ANO6: variants seen among roughly 807,000 people sequenced by gnomAD.
ANO6 encodes anoctamin 6, also known as anoctamin-6.
ANO6 carries 106 observed loss-of-function variants against 117.5 expected under a neutral mutation model. The ratio of observed to expected loss-of-function variants is 0.90; its 90% CI spans 0.77 to 1.06. The LOEUF is 1.06. Among genes scored for constraint, ANO6 ranks in the 50% least tolerant of loss-of-function variants. The pLI is 0.00. For synonymous variants in ANO6, 367 were observed against 385.1 expected (o/e 0.95, Z 0.55); for missense variants, 955 against 1,121.1 (o/e 0.85, Z 2.12).
chr12:45,419,152 T>A (rs1049461230), intron 17 of ANO6, among the ~76,000 whole-genome samples: 1 of 152,242 alleles, frequency 6.6e-6, no homozygotes, highest in Non-Finnish European at 1.5e-5. Flanking sequence ...GCATCTGTTA[T>A]TGAAGACCAA....
At chr12:45,234,526 G>C (rs1282059918) in intron 1 of ANO6, among the ~76,000 whole-genome samples, 1 of 152,142 alleles carries the variant, frequency 6.6e-6, no homozygotes, top group Admixed American at 6.5e-5. Context: ...GTTCAGTGTT[G>C]GTGCAGGATA....
Position 45,380,599 on chromosome 12 carries a change from A to G in ANO6, c.1165+2486A>G, listed in dbSNP as rs573065488. Among the ~76,000 whole-genome samples the G allele has an allele frequency of 2.6e-5, 4 of 152,320 alleles. No homozygotes were observed. In the East Asian group the frequency reaches 7.7e-4, roughly 29 times the overall value. On this transcript the variant is annotated intron_variant, in intron 10 of 19. Transcript: ENST00000320560. ...GCCCAGTTTCTGACTTAAGTGACAT[A>G]CAGATGCTTCTGAGAGGCATTTTAA...
intron 1 of ANO6, among the ~76,000 whole-genome samples, chr12:45,219,354 T>G (rs1439521455): frequency 6.6e-6 from 1 of 152,162 alleles, no homozygotes; most frequent in Non-Finnish European, 1.5e-5. Flanking sequence ...TATTTATTCA[T>G]TTAGAGACAG....
At chr12:45,373,021 A>G (rs1168190570) in intron 9 of ANO6, among the ~76,000 whole-genome samples, 2 of 152,204 alleles carry the variant, frequency 1.3e-5, no homozygotes, top group East Asian at 3.9e-4. Context: ...AGGAAGATCT[A>G]CCAAGCAAAT....
chr12:45,287,810 G>C (rs964646001), intron 1 of ANO6, among the ~76,000 whole-genome samples: 1 of 152,062 alleles, frequency 6.6e-6, no homozygotes, highest in African/African-American at 2.4e-5. Flanking sequence ...TGTTCATTGT[G>C]GAAAATTTGG....
In ANO6 at chr12:45,388,531, A is replaced by G. The variant is rs185864396; in HGVS notation, c.1308+228A>G. 2.0e-3 allele frequency among the ~76,000 whole-genome samples: 306 copies of G among 152,296 alleles called. 1 individual carries two copies. Among genetic ancestry groups the G allele is most frequent in the African/African-American group, 6.8e-3 (283 of 41,558 alleles). On this transcript the variant is annotated intron_variant, in intron 11 of 19. Coordinates refer to ENST00000320560, the MANE Select transcript of ANO6 (RefSeq NM_001025356.3). Reference sequence around the variant, plus strand: ...GCCAAAGTGAAGAAGCACTGCTTAGAACAGTAGACACAGGAGATAAATGGG... The same window carrying G: ...GCCAAAGTGAAGAAGCACTGCTTAGGACAGTAGACACAGGAGATAAATGGG...
chr12:45,291,979 A>G (rs1939116379), intron 1 of ANO6, among the ~76,000 whole-genome samples: 1 of 152,224 alleles, frequency 6.6e-6, no homozygotes, highest in Non-Finnish European at 1.5e-5. Flanking sequence ...ACCCAAAAGA[A>G]TTGAAAACAG....
chr12:45,300,700 C>G (rs1939454785), intron 1 of ANO6, among the ~76,000 whole-genome samples: 1 of 152,136 alleles, frequency 6.6e-6, no homozygotes, highest in Non-Finnish European at 1.5e-5. Context: ...TTTATTTAAA[C>G]TTACTTAAAC....
chr12:45,349,159 C>T (rs972389812), intron 6 of ANO6, among the ~76,000 whole-genome samples: 1 of 152,146 alleles, frequency 6.6e-6, no homozygotes, highest in African/African-American at 2.4e-5. Flanking sequence ...TATTATCAAC[C>T]AGAAAAGATT....
At chr12:45,270,893 T>C (rs899552355) in intron 1 of ANO6, among the ~76,000 whole-genome samples, 2 of 152,180 alleles carry the variant, frequency 1.3e-5, no homozygotes, top group Non-Finnish European at 2.9e-5. Flanking sequence ...CTAATTTTTG[T>C]ATTTTTAGTA....
intron 2 of ANO6, chr12:45,313,160 G>T (rs143395496): frequency 6.6e-6 from 1 of 152,174 alleles, no homozygotes; most frequent in East Asian, 1.9e-4. Flanking sequence ...TGAGACTTTG[G>T]AAGTGTTTTT....
At chr12:45,218,827 T>C (rs1196450962) in intron 1 of ANO6, among the ~76,000 whole-genome samples, 4 of 152,238 alleles carry the variant, frequency 2.6e-5, no homozygotes, top group Admixed American at 6.5e-5. Flanking sequence ...TTAACTAATA[T>C]TTCTCCTAGT....
chr12:45,439,984 T>A, exon 20 of ANO6: 1 of 1,438,406 alleles, frequency 7.0e-7, no homozygotes. Context: ...GTCTATTATG[T>A]GGCCAGCATT....
chr12:45,413,085 C>T (rs1943126863), intron 16 of ANO6, among the ~76,000 whole-genome samples: 1 of 152,164 alleles, frequency 6.6e-6, no homozygotes, highest in South Asian at 2.1e-4. Flanking sequence ...GAACTTTATT[C>T]TTAAAGAAAT....
chr12:45,262,907 A>T (rs575129700), intron 1 of ANO6, among the ~76,000 whole-genome samples: 2 of 152,308 alleles, frequency 1.3e-5, no homozygotes, highest in African/African-American at 2.4e-5. Context: ...TGAACAAAAC[A>T]TGGCTTTTGT....
intron 1 of ANO6, among the ~76,000 whole-genome samples, chr12:45,221,793 CAGG>C (rs1180912436): frequency 2.6e-5 from 4 of 151,304 alleles, no homozygotes; most frequent in Admixed American, 1.3e-4. Context: ...ATGATGGTGG[CAGG>C]AGGAGAGAAT....
intron 1 of ANO6, among the ~76,000 whole-genome samples, chr12:45,300,297 C>A (rs1248859392): frequency 6.6e-6 from 1 of 152,178 alleles, no homozygotes; most frequent in Admixed American, 6.5e-5. Flanking sequence ...CTTTCCACCT[C>A]AACCTCCTGA....
chr12:45,410,585 A>T (rs972988727), intron 16 of ANO6, among the ~76,000 whole-genome samples: 1 of 152,216 alleles, frequency 6.6e-6, no homozygotes, highest in South Asian at 2.1e-4. Flanking sequence ...AACAATTTAC[A>T]TGGTTTTTAT....
intron 4 of ANO6, 130 bp downstream of exon 4, chr12:45,347,217 G>T: frequency 1.2e-6 from 1 of 855,804 alleles, no homozygotes. Context: ...TGGGAGAGGA[G>T]TCAATCAAAA....
Sources: gnomAD v4.1 joint callset for allele counts (sites outside exome capture counted in the v4.1 genomes callset) on GRCh38, gnomAD v4.1.1 for gene constraint, MANE v1.5 for transcripts, NCBI Gene and HGNC (gene_info 2026-07-23, HGNC 2026-07-21) for gene names.